The following C1orf198 variants were observed in gnomAD, a reference collection of about 807,000 sequenced individuals.
C1orf198 encodes chromosome 1 open reading frame 198, also known as uncharacterized protein C1orf198.
C1orf198 carries 17 observed loss-of-function variants against 31.4 expected under a neutral mutation model. The observed-to-expected ratio is 0.54, with a 90% CI of 0.37 to 0.81. The LOEUF (loss-of-function observed/expected upper bound fraction) is 0.81, where lower values mean the gene tolerates loss of function less well. Ranked by LOEUF, C1orf198 falls within the 40% of genes least tolerant of loss-of-function variation. The probability of loss-of-function intolerance (pLI) is 0.00; values close to 1 mark genes in which losing one functional copy is unlikely to be tolerated. For missense variants in C1orf198, 401 were observed against 450.3 expected (o/e 0.89, Z 0.99); for synonymous variants, 175 against 193.8 (o/e 0.90, Z 0.81).
At chr1:230,852,646 C>T (rs1049269135) in intron 2 of C1orf198, among the ~76,000 whole-genome samples, 24 of 152,178 alleles carry the variant, frequency 1.6e-4, no homozygotes, top group Non-Finnish European at 3.2e-4. Context: ...TGCCACCAGA[C>T]TATACACATA....
In C1orf198 at chr1:230,844,623, G is replaced by C. The variant is rs527387807; in HGVS notation, c.385-727C>G. 2.0e-5 allele frequency among the ~76,000 whole-genome samples: 3 copies of C among 152,240 alleles called. No homozygotes were observed. In the South Asian group the frequency reaches 6.2e-4, roughly 32 times the overall value. ...TAAGGGCTCTCTGCCTGGTAAACAGGGCACCCTCCTGTCTCCTCCAGTGTG... is the reference window on the plus strand; with the variant it reads ...TAAGGGCTCTCTGCCTGGTAAACAGCGCACCCTCCTGTCTCCTCCAGTGTG... On this transcript the variant is annotated intron_variant, in intron 2 of 3. Coordinates refer to ENST00000366663, the MANE Select transcript of C1orf198 (RefSeq NM_032800.3).
intron 1 of C1orf198, among the ~76,000 whole-genome samples, chr1:230,861,377 T>G (rs1194928578): frequency 6.6e-6 from 1 of 152,176 alleles, no homozygotes; most frequent in African/African-American, 2.4e-5. Context: ...CTGTAAAAAC[T>G]GAATTTTTTT....
At chr1:230,860,957 G>C (rs575450562) in intron 1 of C1orf198, among the ~76,000 whole-genome samples, 15 of 152,280 alleles carry the variant, frequency 9.9e-5, no homozygotes, top group Non-Finnish European at 2.1e-4. Context: ...TTATTAAGTG[G>C]AAGAAGCCAA....
At chr1:230,868,768 A>G (rs575557294), upstream of C1orf198, 2 of 70,670 alleles carry the variant, frequency 2.8e-5, no homozygotes, top group African/African-American at 1.6e-4. Flanking sequence ...TTACGCCTCC[A>G]TAGTGGATTA....
chr1:230,865,258 C>T (rs577551043), intron 1 of C1orf198, among the ~76,000 whole-genome samples: 7 of 152,288 alleles, frequency 4.6e-5, no homozygotes, highest in African/African-American at 1.2e-4. Flanking sequence ...GGGGCTCCAC[C>T]GGCTCCTCTC....
chr1:230,853,599 G>A (rs963764441), intron 2 of C1orf198, among the ~76,000 whole-genome samples: 5 of 152,146 alleles, frequency 3.3e-5, no homozygotes, highest in African/African-American at 1.2e-4. Flanking sequence ...TAGTAAGTCT[G>A]ACCTCGAGAG....
At chr1:230,851,849 C>A (rs1225257181) in intron 2 of C1orf198, among the ~76,000 whole-genome samples, 1 of 152,226 alleles carries the variant, frequency 6.6e-6, no homozygotes, top group Non-Finnish European at 1.5e-5. Context: ...GGGGCAGCGA[C>A]CACAGGTCCC....
chr1:230,865,755 G>A (rs1465016865), intron 1 of C1orf198, among the ~76,000 whole-genome samples: 1 of 152,210 alleles, frequency 6.6e-6, no homozygotes, highest in African/African-American at 2.4e-5. Flanking sequence ...CAAGATCTGT[G>A]ATCAGCATCA....
At position 230,838,422 on chromosome 1, in the gene C1orf198, T is replaced by C. The variant is rs1160392907; in HGVS notation, c.*1430A>G. 6.6e-6 allele frequency: 1 copy of C among 151,902 alleles called. No individual in the cohort carries two copies. The highest frequency in any genetic ancestry group is 1.5e-5 in the Non-Finnish European group (1 of 67,976). 9.4% of individuals were successfully genotyped at this position (151,902 alleles called of 1,614,324 possible). On this transcript the variant is annotated 3_prime_UTR_variant, in exon 4 of 4. Transcript: ENST00000366663. This position sits in a 1 kb window ranked among gnomAD's most constrained non-coding sequence, Gnocchi z 4.2. ...TTGGCAGAAACTTTCCTGGAGATGATGAGGGGTTGAGGTGAGTTGCTATGT... is the reference window on the plus strand; with the variant it reads ...TTGGCAGAAACTTTCCTGGAGATGACGAGGGGTTGAGGTGAGTTGCTATGT...
chr1:230,859,718 C>T (rs911030872), intron 1 of C1orf198, among the ~76,000 whole-genome samples: 1 of 152,174 alleles, frequency 6.6e-6, no homozygotes, highest in African/African-American at 2.4e-5. Context: ...CCGGGATAAA[C>T]ACACACACAA....
At chr1:230,844,696 G>C (rs781225284) in intron 2 of C1orf198, among the ~76,000 whole-genome samples, 4 of 152,160 alleles carry the variant, frequency 2.6e-5, no homozygotes, top group Non-Finnish European at 4.4e-5. Context: ...GGAGGATAAC[G>C]AGGAAAGGTG....
chr1:230,844,290 G>A (rs1009446204), intron 2 of C1orf198, among the ~76,000 whole-genome samples: 3 of 151,904 alleles, frequency 2.0e-5, no homozygotes, highest in African/African-American at 7.3e-5. Flanking sequence ...CATGAGATCT[G>A]GTCGTTTAAA....
At chr1:230,844,215 G>A (rs1474651380) in intron 2 of C1orf198, among the ~76,000 whole-genome samples, 1 of 152,060 alleles carries the variant, frequency 6.6e-6, no homozygotes, top group African/African-American at 2.4e-5. Flanking sequence ...TGGATCACAG[G>A]GGCGGATGTT....
intron 1 of C1orf198, among the ~76,000 whole-genome samples, chr1:230,859,117 T>C (rs1006598687): frequency 5.9e-5 from 9 of 152,214 alleles, no homozygotes; most frequent in African/African-American, 2.2e-4. Context: ...GAAGCTCTGA[T>C]GTCAGCCGTG....
chr1:230,852,698 C>T (rs1669775456), intron 2 of C1orf198, among the ~76,000 whole-genome samples: 1 of 151,732 alleles, frequency 6.6e-6, no homozygotes, highest in Admixed American at 6.6e-5. Context: ...GTGTATTTTG[C>T]CACAATTAAA....
chr1:230,844,104 A>G (rs1270770702), intron 2 of C1orf198, among the ~76,000 whole-genome samples: 1 of 152,110 alleles, frequency 6.6e-6, no homozygotes, highest in African/African-American at 2.4e-5. Flanking sequence ...AGAAGCTTAA[A>G]TGCCAAGGCC....
chr1:230,869,443 A>C (rs1367215680), upstream of C1orf198: 2 of 152,184 alleles, frequency 1.3e-5, no homozygotes, highest in African/African-American at 4.8e-5. Context: ...ACTTCCCCCA[A>C]GCCCCTCTCT....
At chr1:230,861,867 G>A (rs1572139400) in intron 1 of C1orf198, among the ~76,000 whole-genome samples, 1 of 152,200 alleles carries the variant, frequency 6.6e-6, no homozygotes, top group Admixed American at 6.5e-5. Context: ...ACGGCAACAC[G>A]CGTATTGATG....
chr1:230,847,284 A>G (rs892586409), intron 2 of C1orf198, among the ~76,000 whole-genome samples: 2 of 151,886 alleles, frequency 1.3e-5, no homozygotes, highest in Admixed American at 6.5e-5. Flanking sequence ...GTCTCAAAAA[A>G]AAAAAAAAGA....
Sources: gnomAD v4.1 joint callset for allele counts (sites outside exome capture counted in the v4.1 genomes callset) on GRCh38, gnomAD v4.1.1 for gene constraint, Gnocchi (gnomAD v3.1) non-coding constraint, MANE v1.5 for transcripts, NCBI Gene and HGNC (gene_info 2026-07-23, HGNC 2026-07-21) for gene names.